Variants in NF2 observed in about 807,000 individuals in gnomAD.
The protein encoded by NF2 is NF2, moesin-ezrin-radixin like (MERLIN) tumor suppressor.
A neutral mutation model predicts 83.7 loss-of-function variants in NF2; 8 were observed. The observed-to-expected ratio is 0.10, with a 90% CI of 0.06 to 0.17. NF2 has a LOEUF of 0.17. NF2 is among the 10% of genes least tolerant of loss of function. The pLI is 1.00. For synonymous variants in NF2, 266 were observed against 269.6 expected (o/e 0.99, Z 0.13); for missense variants, 533 against 744.4 (o/e 0.72, Z 3.31).
chr22:29,621,895 CCTT>C (rs2065225815), intron 1 of NF2, among the ~76,000 whole-genome samples: 1 of 152,130 alleles, frequency 6.6e-6, no homozygotes, highest in Non-Finnish European at 1.5e-5. Flanking sequence ...AACTCATTCT[CCTT>C]CTAGGCTCTG....
chr22:29,636,948 G>A lies in NF2; in HGVS notation c.240+72G>A, dbSNP rs1601579567. On this transcript the variant is annotated intron_variant, in intron 2 of 15. Transcript: ENST00000338641. The surrounding 1 kb of genome is among the most constrained non-coding windows in gnomAD (Gnocchi z 4.4). ...CAGTTTTTCCCTGAGCAGGCGCCTA[G>A]CTCATCACTGGGGCGCTGTAGCTGT... 1.2e-6 allele frequency: 2 copies of A among 1,605,770 alleles called. No homozygotes were observed. The highest frequency in any genetic ancestry group is 2.2e-5 in the East Asian group (1 of 44,846).
Position 29,673,501 on chromosome 22 carries a change from G to T in NF2, c.1340+15G>T, listed in dbSNP as rs1339648336. On this transcript the variant is annotated intron_variant, in intron 12 of 15. Transcript: ENST00000338641. ...TCAGAGAGGAGGTGAGGGGGCACCG[G>T]GCACCAGACTGGCGAGGAGGCTGGC... The T allele has an allele frequency of 6.2e-7, 1 of 1,600,194 alleles. No individual in the cohort carries two copies. The highest frequency in any genetic ancestry group is 1.3e-5 in the African/African-American group (1 of 74,980).
intron 4 of NF2, among the ~76,000 whole-genome samples, chr22:29,653,773 T>G (rs2066221800): frequency 6.6e-6 from 1 of 152,226 alleles, no homozygotes; most frequent in South Asian, 2.1e-4. Context: ...CTGACCTTTG[T>G]TTTTTCACTG....
chr22:29,658,882 C>T (rs1462212533), intron 7 of NF2, among the ~76,000 whole-genome samples: 3 of 151,992 alleles, frequency 2.0e-5, no homozygotes, highest in African/African-American at 7.3e-5. Flanking sequence ...GGGATGCATG[C>T]GATTTGCCAA....
At chr22:29,665,097 A>G (rs745552654) in intron 9 of NF2, 33 bp downstream of exon 9, 1 of 1,505,370 alleles carries the variant, frequency 6.6e-7, no homozygotes. Context: ...ATTACTGATA[A>G]TGGTAGCTTT....
At chr22:29,678,049 G>A (rs2067017020) in intron 13 of NF2, 147 bp from the exon 14 acceptor site, 3 of 939,362 alleles carry the variant, frequency 3.2e-6, no homozygotes, top group Non-Finnish European at 5.2e-6. Flanking sequence ...GTGAAGTGGA[G>A]GGATGGGGAC....
chr22:29,684,720 G>A (rs756726749), intron 15 of NF2, among the ~76,000 whole-genome samples: 5 of 152,058 alleles, frequency 3.3e-5, no homozygotes, highest in Admixed American at 2.0e-4. Flanking sequence ...GTTAATCAAG[G>A]GTTAATAAAA....
At chr22:29,646,383 G>A (rs866799018) in intron 4 of NF2, among the ~76,000 whole-genome samples, 13 of 152,326 alleles carry the variant, frequency 8.5e-5, no homozygotes, top group Admixed American at 3.3e-4. Flanking sequence ...TGTCTAGCTT[G>A]AGGGAGGTCT....
At chr22:29,608,939 G>A in intron 1 of NF2, 3 of 588,948 alleles carry the variant, frequency 5.1e-6, no homozygotes, top group Non-Finnish European at 9.4e-6. Context: ...CATCCTCAAT[G>A]CTACCTGGCC....
At chr22:29,646,907 G>C (rs1298467796) in intron 4 of NF2, among the ~76,000 whole-genome samples, 1 of 151,990 alleles carries the variant, frequency 6.6e-6, no homozygotes, top group Non-Finnish European at 1.5e-5. Context: ...AGCCAGGCGT[G>C]GTGGTGTAGT....
At chr22:29,657,212 A>G (rs73390922) in intron 6 of NF2, among the ~76,000 whole-genome samples, 2,077 of 152,274 alleles carry the variant, frequency 0.014, 54 homozygotes, top group African/African-American at 0.048. Context: ...GGCGTTGCCC[A>G]TCTTAAACTT....
intron 1 of NF2, among the ~76,000 whole-genome samples, chr22:29,635,972 T>C (rs1047633128): frequency 1.3e-5 from 2 of 152,220 alleles, no homozygotes; most frequent in South Asian, 2.1e-4. Context: ...CCAGCCATTC[T>C]CTTCCCTTAA....
At chr22:29,692,094 G>T (rs2067420981) in intron 15 of NF2, among the ~76,000 whole-genome samples, 1 of 152,186 alleles carries the variant, frequency 6.6e-6, no homozygotes, top group Non-Finnish European at 1.5e-5. Flanking sequence ...TGTCTAAGGG[G>T]CGAGCAGCAG....
intron 3 of NF2, among the ~76,000 whole-genome samples, chr22:29,640,568 G>A (rs1237965588): frequency 6.6e-6 from 1 of 152,106 alleles, no homozygotes; most frequent in Non-Finnish European, 1.5e-5. Context: ...TTGGCACTGG[G>A]GCTATTTGTG....
Position 29,694,842 on chromosome 22 carries a change from C to T in NF2, c.*40C>T, listed in dbSNP as rs2147172376. On this transcript the variant is annotated 3_prime_UTR_variant, in exon 16 of 16. Coordinates refer to ENST00000338641, the MANE Select transcript of NF2 (RefSeq NM_000268.4). This position sits in a 1 kb window ranked among gnomAD's most constrained non-coding sequence, Gnocchi z 4.1. ...ACCCCAGGACCTGCCACTTCTCCTG[C>T]TACCGGGACCGCGGGATGGACCAGA... 6.2e-7 allele frequency: 1 copy of T among 1,601,490 alleles called. No individual in the cohort carries two copies. The highest frequency in any genetic ancestry group is 8.5e-7 in the Non-Finnish European group (1 of 1,171,580).
At chr22:29,645,540 A>C (rs2065959929) in intron 4 of NF2, among the ~76,000 whole-genome samples, 1 of 152,226 alleles carries the variant, frequency 6.6e-6, no homozygotes, top group African/African-American at 2.4e-5. Context: ...CCTTTCAATC[A>C]GTATCACCCC....
rs2147093380 is a variant in NF2 at position 29,674,909 on chromosome 22, C to A, written c.1414C>A (p.Leu472Ile). The change falls in exon 13 of 16, where the codon CTC becomes ATC. Residue 472 changes from leucine to isoleucine, a missense_variant. Coordinates refer to ENST00000338641, the MANE Select transcript of NF2 (RefSeq NM_000268.4). ...REAERRAKQK[L>I]LEIATKPTYP... ...GGCGGAGCGAAGAGCCAAGCAGAAG[C>A]TCCTGGAGATTGCCACCAAGCCCAC... 1 of 1,573,464 alleles carries A rather than the reference C, an allele frequency of 6.4e-7. No homozygotes were observed. The highest frequency in any genetic ancestry group is 1.8e-5 in the Admixed American group (1 of 54,580).
chr22:29,686,200 T>G (rs2067267192), intron 15 of NF2, among the ~76,000 whole-genome samples: 1 of 152,182 alleles, frequency 6.6e-6, no homozygotes, highest in Non-Finnish European at 1.5e-5. Flanking sequence ...GTTAAAACTC[T>G]GAAAAGGGAA....
chr22:29,691,862 C>T (rs1340006033), intron 15 of NF2, among the ~76,000 whole-genome samples: 1 of 152,238 alleles, frequency 6.6e-6, no homozygotes, highest in Non-Finnish European at 1.5e-5. Context: ...AGCTCAAGGG[C>T]TCTCCTCGTC....
Sources: allele counts gnomAD v4.1 joint callset (sites outside exome capture counted in the v4.1 genomes callset), GRCh38; gene constraint gnomAD v4.1.1; non-coding constraint Gnocchi (gnomAD v3.1); transcripts MANE v1.5; gene names NCBI Gene and HGNC (gene_info 2026-07-23, HGNC 2026-07-21).